NLK: variants seen among roughly 807,000 people sequenced by gnomAD.
NLK encodes serine/threonine-protein kinase NLK.
Under a neutral mutation model 59.0 loss-of-function variants are expected in NLK, and 11 were observed. The ratio of observed to expected loss-of-function variants is 0.19; its 90% CI spans 0.12 to 0.31. The LOEUF is 0.31. NLK is among the 10% of genes least tolerant of loss of function. The probability of loss-of-function intolerance (pLI) is 1.00; values close to 1 mark genes in which losing one functional copy is unlikely to be tolerated. For synonymous variants in NLK, 235 were observed against 235.9 expected (o/e 1.00, Z 0.03); for missense variants, 410 against 661.1 (o/e 0.62, Z 4.16).
intron 1 of NLK, among the ~76,000 whole-genome samples, chr17:28,061,776 A>G (rs1340718489): frequency 2.0e-5 from 3 of 146,838 alleles, no homozygotes; most frequent in Non-Finnish European, 4.5e-5. Flanking sequence ...ACATATATAC[A>G]TATACATATA....
intron 7 of NLK, among the ~76,000 whole-genome samples, chr17:28,181,875 T>C (rs916945832): frequency 6.6e-5 from 10 of 152,058 alleles, no homozygotes; most frequent in Admixed American, 1.3e-4. Flanking sequence ...CTGGGTGTGG[T>C]GGCGCACGTC....
At chr17:28,120,903 T>A (rs944603163) in intron 1 of NLK, among the ~76,000 whole-genome samples, 6 of 152,246 alleles carry the variant, frequency 3.9e-5, no homozygotes, top group Admixed American at 2.0e-4. Context: ...TCTGATTTCC[T>A]GAGTGATTGT....
chr17:28,066,917 C>A (rs1909843588), intron 1 of NLK, among the ~76,000 whole-genome samples: 2 of 152,142 alleles, frequency 1.3e-5, no homozygotes, highest in South Asian at 4.1e-4. Context: ...AGTATCTATT[C>A]AAGCCTTTGC....
chr17:28,046,511 C>T (rs1005518600), intron 1 of NLK, among the ~76,000 whole-genome samples: 4 of 152,180 alleles, frequency 2.6e-5, no homozygotes, highest in Non-Finnish European at 4.4e-5. Flanking sequence ...TGAGACATTA[C>T]AGCCTCCAAA....
At chr17:28,052,697 AAT>A (rs1909299081) in intron 1 of NLK, among the ~76,000 whole-genome samples, 2 of 152,198 alleles carry the variant, frequency 1.3e-5, no homozygotes, top group Non-Finnish European at 2.9e-5. Context: ...CTATATCCAA[AAT>A]ATTGTCATTT....
At chr17:28,086,095 A>G (rs1298203006) in intron 1 of NLK, among the ~76,000 whole-genome samples, 1 of 152,222 alleles carries the variant, frequency 6.6e-6, no homozygotes, top group East Asian at 1.9e-4. Context: ...TAATACTTTT[A>G]AAAGGTAACT....
At chr17:28,097,549 C>T (rs948014784) in intron 1 of NLK, among the ~76,000 whole-genome samples, 1 of 152,148 alleles carries the variant, frequency 6.6e-6, no homozygotes, top group Non-Finnish European at 1.5e-5. Context: ...TATCCTTACT[C>T]AGTTTGAATA....
chr17:28,072,695 A>T (rs1310603860), intron 1 of NLK, among the ~76,000 whole-genome samples: 1 of 151,770 alleles, frequency 6.6e-6, no homozygotes, highest in Admixed American at 6.6e-5. Flanking sequence ...TGTAAGTTTC[A>T]TACCTTATTT....
chr17:28,080,005 A>G (rs1160746479), intron 1 of NLK, among the ~76,000 whole-genome samples: 2 of 152,056 alleles, frequency 1.3e-5, no homozygotes, highest in African/African-American at 4.8e-5. Flanking sequence ...GATATAAGCT[A>G]AGGATCCAAC....
chr17:28,075,861 C>T (rs1370778342), intron 1 of NLK, among the ~76,000 whole-genome samples: 1 of 152,082 alleles, frequency 6.6e-6, no homozygotes, highest in Non-Finnish European at 1.5e-5. Context: ...ATGCTTCTGT[C>T]TTAGCTACCT....
chr17:28,051,477 G>A (rs1181443707), intron 1 of NLK, among the ~76,000 whole-genome samples: 2 of 151,636 alleles, frequency 1.3e-5, no homozygotes, highest in Non-Finnish European at 2.9e-5. Context: ...TCCTGCCTCA[G>A]CCTCCCGAGT....
intron 1 of NLK, among the ~76,000 whole-genome samples, chr17:28,079,753 AT>A (rs1434466839): frequency 7.2e-5 from 11 of 151,970 alleles, no homozygotes; most frequent in Non-Finnish European, 1.3e-4. Context: ...ATTTGCAAAT[AT>A]TTTTTCCCAT....
At chr17:28,187,662 G>C (rs1358619982) in intron 8 of NLK, among the ~76,000 whole-genome samples, 1 of 152,152 alleles carries the variant, frequency 6.6e-6, no homozygotes, top group Non-Finnish European at 1.5e-5. Context: ...CAGTCTTTAA[G>C]GCTGGAACTT....
At chr17:28,190,745 A>G (rs1378394520) in intron 8 of NLK, among the ~76,000 whole-genome samples, 1 of 152,156 alleles carries the variant, frequency 6.6e-6, no homozygotes, top group African/African-American at 2.4e-5. Flanking sequence ...TTGACCCAGC[A>G]TACATCTATT....
chr17:28,122,225 A>G (rs1331696168), intron 1 of NLK, among the ~76,000 whole-genome samples: 1 of 152,238 alleles, frequency 6.6e-6, no homozygotes, highest in East Asian at 1.9e-4. Context: ...CATAAAGCTA[A>G]TTTGACTTTT....
At chr17:28,047,589 G>A (rs575579607) in intron 1 of NLK, among the ~76,000 whole-genome samples, 4 of 152,130 alleles carry the variant, frequency 2.6e-5, no homozygotes, top group East Asian at 1.9e-4. Context: ...CCTTATTGTC[G>A]AAGTAGAGAT....
intron 1 of NLK, among the ~76,000 whole-genome samples, chr17:28,118,082 TTTG>T (rs1905859676): frequency 6.6e-6 from 1 of 152,192 alleles, no homozygotes; most frequent in African/African-American, 2.4e-5. Flanking sequence ...CCTAGACTTG[TTTG>T]TTGTCAAAAA....
chr17:28,144,395 C>CAAAAA (rs1907149565), intron 3 of NLK, among the ~76,000 whole-genome samples: 1 of 102,042 alleles, frequency 9.8e-6, no homozygotes, highest in Non-Finnish European at 1.9e-5. Context: ...CCAGGTGAAG[C>CAAAAA]CAAAAAAAAA....
intron 3 of NLK, among the ~76,000 whole-genome samples, chr17:28,153,003 G>A (rs1597712977): frequency 6.6e-6 from 1 of 151,510 alleles, no homozygotes; most frequent in East Asian, 1.9e-4. Context: ...GCCAGGCACA[G>A]TGGCTCATGC....
Sources: gnomAD v4.1 joint callset for allele counts (sites outside exome capture counted in the v4.1 genomes callset) on GRCh38, gnomAD v4.1.1 for gene constraint, MANE v1.5 for transcripts, NCBI Gene and HGNC (gene_info 2026-07-23, HGNC 2026-07-21) for gene names.